Variants in ADCY9 observed in about 807,000 individuals in gnomAD.
The protein encoded by ADCY9 is adenylate cyclase 9.
Under a neutral mutation model 101.5 loss-of-function variants are expected in ADCY9, and 50 were observed. The ratio of observed to expected loss-of-function variants is 0.49; its 90% confidence interval spans 0.39 to 0.62. ADCY9 has a LOEUF of 0.62. Among genes scored for constraint, ADCY9 ranks in the 20% least tolerant of loss-of-function variants. The pLI is 0.00. For synonymous variants in ADCY9, 905 were observed against 769.3 expected, an observed-to-expected ratio of 1.18 and a Z score of -2.92; for missense variants, 1,662 against 1,800.4, an observed-to-expected ratio of 0.92 and a Z score of 1.39.
intron 2 of ADCY9, among the ~76,000 whole-genome samples, chr16:4,020,480 T>C (rs2056467587): frequency 6.6e-6 from 1 of 152,014 alleles, no homozygotes; most frequent in African/African-American, 2.4e-5. Context: ...TAGACGCAAA[T>C]ACGAGAGGGA....
Position 4,087,424 on chromosome 16 carries a change from T to C in ADCY9, c.1693+26326A>G, listed in dbSNP as rs572731399. 2.4e-4 allele frequency among the ~76,000 whole-genome samples: 37 copies of C among 151,804 alleles called. No individual in the cohort carries two copies. In the South Asian group the frequency reaches 2.5e-3, roughly 10 times the overall value. ...GGTGGCACATGCCTGTAATCCCAGC[T>C]TCTTGGGAGGCCGAGACATGAGAAT... On this transcript the variant is annotated intron_variant, in intron 2 of 10. Transcript: ENST00000294016.
chr16:3,984,303 T>A (rs555297573), intron 6 of ADCY9, among the ~76,000 whole-genome samples: 1 of 152,252 alleles, frequency 6.6e-6, no homozygotes, highest in South Asian at 2.1e-4. Context: ...GTGGCGGAAG[T>A]GGCCGACGGG....
At chr16:4,008,893 G>C (rs1218716095) in intron 2 of ADCY9, among the ~76,000 whole-genome samples, 3 of 152,176 alleles carry the variant, frequency 2.0e-5, no homozygotes, top group Non-Finnish European at 2.9e-5. Flanking sequence ...TTCAGGTCGT[G>C]AAGGGTGTGG....
chr16:4,104,771 C>T (rs1466582895), intron 2 of ADCY9, among the ~76,000 whole-genome samples: 2 of 152,156 alleles, frequency 1.3e-5, no homozygotes, highest in South Asian at 2.1e-4. Flanking sequence ...AATGCCAAAG[C>T]GGTTAAGAAA....
intron 2 of ADCY9, among the ~76,000 whole-genome samples, chr16:4,069,237 A>AT (rs1014271441): frequency 1.3e-5 from 2 of 150,504 alleles, no homozygotes; most frequent in Non-Finnish European, 1.5e-5. Flanking sequence ...GATTTTTCAA[A>AT]TTTTTTTTCT....
Position 3,977,482 on chromosome 16 carries a change from C to T in ADCY9, c.2828G>A (p.Ser943Asn). Residue 943 changes from serine to asparagine, a missense_variant and splice_region_variant, in exon 9 of 11, where the codon AGT becomes AAT. Physicochemically the swap from Ser to Asn is conservative, Grantham distance 46. This residue lies in a region of ADCY9 where 624 missense variants were observed against 639.1 expected (regional missense o/e 0.98). Coordinates refer to ENST00000294016, the MANE Select transcript of ADCY9 (RefSeq NM_001116.4). Reference protein sequence around the residue: ...LLLYVSLCPDSSVLTSPLDAV... With the variant: ...LLLYVSLCPDNSVLTSPLDAV... ...CCCGCAAGCAGTGCTGGCCGCGTAC[C>T]TGTCTGGGCACAGGGAGACGTAGAG... 6.4e-7 allele frequency: 1 copy of T among 1,560,952 alleles called. No homozygotes were observed. The highest frequency in any genetic ancestry group is 1.4e-5 in the African/African-American group (1 of 73,836).
chr16:4,074,380 G>T (rs2056853549), intron 2 of ADCY9, among the ~76,000 whole-genome samples: 1 of 151,768 alleles, frequency 6.6e-6, no homozygotes, highest in Non-Finnish European at 1.5e-5. Context: ...TAAATCGATA[G>T]AAGAGATAAA....
At chr16:4,060,828 C>T (rs2056769773) in intron 2 of ADCY9, among the ~76,000 whole-genome samples, 1 of 152,000 alleles carries the variant, frequency 6.6e-6, no homozygotes, top group South Asian at 2.1e-4. Context: ...TGCAAAGAAA[C>T]ATAAAGTATT....
chr16:4,075,023 A>C (rs2056858218), intron 2 of ADCY9, among the ~76,000 whole-genome samples: 1 of 152,134 alleles, frequency 6.6e-6, no homozygotes, highest in Admixed American at 6.5e-5. Context: ...AAAAAAATAG[A>C]AAAATTAGCC....
chr16:4,077,130 G>GCA (rs971510387), intron 2 of ADCY9, among the ~76,000 whole-genome samples: 8 of 151,546 alleles, frequency 5.3e-5, no homozygotes, highest in African/African-American at 1.9e-4. Flanking sequence ...TCCACAGCTA[G>GCA]CATGCGGACT....
chr16:4,028,133 G>T (rs1017006971), intron 2 of ADCY9, among the ~76,000 whole-genome samples: 1 of 152,074 alleles, frequency 6.6e-6, no homozygotes, highest in Non-Finnish European at 1.5e-5. Flanking sequence ...TTGTACTGGT[G>T]GCTACAAAAC....
chr16:3,970,389 G>A (rs557212197), intron 10 of ADCY9, among the ~76,000 whole-genome samples: 17 of 151,790 alleles, frequency 1.1e-4, no homozygotes, highest in Admixed American at 7.2e-4. Flanking sequence ...GTGCAATGGC[G>A]CGACCTTGGC....
Position 4,114,322 on chromosome 16 carries a change from G to C in ADCY9, c.1121C>G (p.Ser374Cys). 1 of 1,613,936 alleles carries C rather than the reference G, an allele frequency of 6.2e-7. No individual in the cohort carries two copies. The highest frequency in any genetic ancestry group is 8.5e-7 in the Non-Finnish European group (1 of 1,180,030). Reference sequence around the variant, plus strand: ...GAAGGCTATAGGAGCTTTTTGGATGGAAGACTTTTTCTTCCTGTTCTTGGG... The same window carrying C: ...GAAGGCTATAGGAGCTTTTTGGATGCAAGACTTTTTCTTCCTGTTCTTGGG... ...SSPKNRKKKS[S>C]IQKAPIAFRP... The change falls in exon 2 of 11, where the codon TCC becomes TGC. Residue 374 changes from serine to cysteine, a missense_variant. Around this residue, in one of 5 missense-constraint regions of ADCY9, gnomAD observed 228 missense variants for 301.1 expected, o/e 0.76. Transcript: ENST00000294016. This position sits in a 1 kb window ranked among gnomAD's most constrained non-coding sequence, Gnocchi z 4.3.
chr16:4,005,659 G>A (rs565419296), intron 3 of ADCY9, among the ~76,000 whole-genome samples: 62 of 152,272 alleles, frequency 4.1e-4, no homozygotes, highest in African/African-American at 1.4e-3. Context: ...TGACTAGAGT[G>A]CAATGTAGTG....
At chr16:3,993,554 G>T in intron 3 of ADCY9, 44 bp from the exon 4 acceptor site, 4 of 1,603,028 alleles carry the variant, frequency 2.5e-6, no homozygotes, top group South Asian at 2.2e-5. Flanking sequence ...CAGAAACCGC[G>T]ACTGCCACCC....
At chr16:3,980,272 TGTTGACACAATAAAA>T (rs139580413) in intron 7 of ADCY9, among the ~76,000 whole-genome samples, 3 of 119,218 alleles carry the variant, frequency 2.5e-5, no homozygotes, top group Admixed American at 9.6e-5. Flanking sequence ...AGGAGTGTGA[TGTTGACACAATAAAA>T]GTTTCTGTAT....
intron 2 of ADCY9, among the ~76,000 whole-genome samples, chr16:4,090,630 A>G (rs1372886464): frequency 1.3e-5 from 2 of 152,006 alleles, no homozygotes; most frequent in Non-Finnish European, 2.9e-5. Flanking sequence ...CGGAAACCAG[A>G]GGGAAGCCTA....
intron 2 of ADCY9, among the ~76,000 whole-genome samples, chr16:4,076,880 C>A (rs1185997480): frequency 6.6e-6 from 1 of 152,060 alleles, no homozygotes; most frequent in Non-Finnish European, 1.5e-5. Context: ...AGTCCGAGAC[C>A]AGCTTGGCCA....
At chr16:4,087,046 C>A (rs1025090027) in intron 2 of ADCY9, among the ~76,000 whole-genome samples, 1 of 152,058 alleles carries the variant, frequency 6.6e-6, no homozygotes, top group Non-Finnish European at 1.5e-5. Context: ...AACCCTATTC[C>A]ATTCTGATAC....
Sources: allele counts gnomAD v4.1 joint callset (sites outside exome capture counted in the v4.1 genomes callset), GRCh38; gene constraint gnomAD v4.1.1; regional missense constraint gnomAD v4.1.1; non-coding constraint Gnocchi (gnomAD v3.1); transcripts MANE v1.5; gene names NCBI Gene and HGNC (gene_info 2026-07-23, HGNC 2026-07-21).